The following RARB variants were observed in gnomAD, a reference collection of about 807,000 sequenced individuals.
The protein encoded by RARB is retinoic acid receptor beta, also known as HBV-activated protein.
In RARB, 17 loss-of-function variants were observed where a neutral mutation model predicts 51.9. That is an observed-to-expected ratio of 0.33 (90% CI 0.22 to 0.49). The LOEUF (loss-of-function observed/expected upper bound fraction) is 0.49. Among genes scored for constraint, RARB ranks in the 20% least tolerant of loss-of-function variants. RARB has a pLI of 0.99. For synonymous variants in RARB, 215 were observed against 195.4 expected (o/e 1.10, Z -0.84); for missense variants, 369 against 550.8 (o/e 0.67, Z 3.30).
chr3:25,546,878 A>T (rs867353699), intron 3 of RARB, among the ~76,000 whole-genome samples: 9 of 152,216 alleles, frequency 5.9e-5, no homozygotes, highest in African/African-American at 2.2e-4. Flanking sequence ...AACATTGCGA[A>T]TATTTCCTCT....
chr3:25,566,056 A>T (rs953284103), intron 3 of RARB, among the ~76,000 whole-genome samples: 1 of 152,186 alleles, frequency 6.6e-6, no homozygotes, highest in Non-Finnish European at 1.5e-5. Context: ...GAGGCCTCAA[A>T]GGGACCAATA....
intron 2 of RARB, among the ~76,000 whole-genome samples, chr3:24,942,331 A>G (rs9860311): frequency 6.6e-6 from 1 of 152,198 alleles, no homozygotes; most frequent in African/African-American, 2.4e-5. Context: ...AGCAATAATT[A>G]TAAAAGTATC....
chr3:25,351,448 G>T (rs571784736), intron 5 of RARB, among the ~76,000 whole-genome samples: 2 of 152,028 alleles, frequency 1.3e-5, no homozygotes, highest in South Asian at 4.2e-4. Flanking sequence ...AATATTATGT[G>T]CTTGCATCTC....
chr3:25,206,991 C>A lies in RARB; in HGVS notation c.178+32416C>A, dbSNP rs75660921. 2.7e-3 allele frequency among the ~76,000 whole-genome samples: 414 copies of A among 152,306 alleles called. 2 individuals are homozygous for A. The highest frequency in any genetic ancestry group is 4.8e-3 in the Non-Finnish European group (325 of 68,016). ...GACTTTGCAGAATTTACCCTGACAT[C>A]TGCTTTTTCCATGGTTATTTACTTC... is the stretch of plus-strand genomic sequence containing the variant. On this transcript the variant is annotated intron_variant, in intron 5 of 11. Transcript: ENST00000383772.
chr3:25,281,834 A>G (rs1703530727), intron 5 of RARB, among the ~76,000 whole-genome samples: 1 of 152,202 alleles, frequency 6.6e-6, no homozygotes, highest in Non-Finnish European at 1.5e-5. Flanking sequence ...ATATCCAGCC[A>G]TTTTGGAAGC....
At chr3:25,511,558 G>A (rs567811644) in intron 3 of RARB, among the ~76,000 whole-genome samples, 2 of 152,252 alleles carry the variant, frequency 1.3e-5, no homozygotes, top group South Asian at 2.1e-4. Flanking sequence ...GACAGAAATC[G>A]TTAAGTGTGT....
intron 2 of RARB, among the ~76,000 whole-genome samples, chr3:24,968,336 T>C (rs9849459): frequency 0.5 from 75,213 of 151,942 alleles, 19,101 homozygotes; most frequent in Admixed American, 0.6. Context: ...TTCATTCTTT[T>C]GCTAAGACTA....
At chr3:25,209,696 C>T (rs574420239) in intron 5 of RARB, among the ~76,000 whole-genome samples, 1 of 152,260 alleles carries the variant, frequency 6.6e-6, no homozygotes, top group South Asian at 2.1e-4. Flanking sequence ...CCATCCCTAG[C>T]TCTCCTGCTC....
intron 5 of RARB, among the ~76,000 whole-genome samples, chr3:25,413,146 A>G (rs1415421030): frequency 6.6e-6 from 1 of 152,234 alleles, no homozygotes; most frequent in African/African-American, 2.4e-5. Flanking sequence ...ACATAGATTA[A>G]AAGGTAACCA....
At chr3:25,133,481 G>A (rs1699984113) in intron 4 of RARB, among the ~76,000 whole-genome samples, 1 of 151,978 alleles carries the variant, frequency 6.6e-6, no homozygotes, top group Admixed American at 6.6e-5. Context: ...AATATTAAAA[G>A]GGAAACAAAT....
chr3:25,261,402 A>G (rs560335908), intron 5 of RARB, among the ~76,000 whole-genome samples: 46 of 151,992 alleles, frequency 3.0e-4, no homozygotes, highest in Non-Finnish European at 5.9e-4. Flanking sequence ...CTTTTTCATG[A>G]GCATCTCTTT....
chr3:24,837,258 G>A (rs895402544), intron 1 of RARB, among the ~76,000 whole-genome samples: 1 of 152,190 alleles, frequency 6.6e-6, no homozygotes, highest in Admixed American at 6.5e-5. Flanking sequence ...AGAGATCACA[G>A]AGGTGAGTAA....
intron 5 of RARB, among the ~76,000 whole-genome samples, chr3:25,581,351 C>G (rs2125306638): frequency 6.6e-6 from 1 of 152,348 alleles, no homozygotes; most frequent in South Asian, 2.1e-4. Flanking sequence ...CCCCATCCCA[C>G]TTTCTCCATG....
At chr3:25,540,247 C>T (rs535035725) in intron 3 of RARB, among the ~76,000 whole-genome samples, 1 of 152,266 alleles carries the variant, frequency 6.6e-6, no homozygotes, top group South Asian at 2.1e-4. Context: ...GTAATATCTG[C>T]TTCGTGATTT....
intron 5 of RARB, among the ~76,000 whole-genome samples, chr3:25,265,541 C>T (rs2125408757): frequency 6.6e-6 from 1 of 152,264 alleles, no homozygotes; most frequent in East Asian, 1.9e-4. Context: ...GGTGCAACCT[C>T]AGCTCACTGC....
At chr3:25,506,330 G>C (rs1006996271) in intron 3 of RARB, among the ~76,000 whole-genome samples, 1 of 150,752 alleles carries the variant, frequency 6.6e-6, no homozygotes, top group African/African-American at 2.4e-5. Flanking sequence ...TTGAGGCCCT[G>C]TGCAGTAGCT....
chr3:25,168,025 G>C (rs192391792), intron 4 of RARB, among the ~76,000 whole-genome samples: 1 of 152,200 alleles, frequency 6.6e-6, no homozygotes, highest in Admixed American at 6.5e-5. Flanking sequence ...CATTTGACAA[G>C]GTTCAGCCAT....
At chr3:25,215,708 T>C (rs1701818632) in intron 5 of RARB, among the ~76,000 whole-genome samples, 1 of 152,122 alleles carries the variant, frequency 6.6e-6, no homozygotes, top group Non-Finnish European at 1.5e-5. Context: ...TCACAGTTCC[T>C]CTGGCCTTCT....
intron 2 of RARB, among the ~76,000 whole-genome samples, chr3:25,002,409 A>AT (rs768542954): frequency 6.6e-6 from 1 of 152,154 alleles, no homozygotes; most frequent in Non-Finnish European, 1.5e-5. Flanking sequence ...CTCTCATGAA[A>AT]GAAGGAATGA....
Sources: gnomAD v4.1 joint callset for allele counts (sites outside exome capture counted in the v4.1 genomes callset) on GRCh38, gnomAD v4.1.1 for gene constraint, MANE v1.5 for transcripts, NCBI Gene and HGNC (gene_info 2026-07-23, HGNC 2026-07-21) for gene names.